The following ERC2 variants were observed in gnomAD, a reference collection of about 807,000 sequenced individuals.
ERC2 encodes the protein ELKS/RAB6-interacting/CAST family member 2.
In ERC2, 42 loss-of-function variants were observed where a neutral mutation model predicts 114.8. The ratio of observed to expected loss-of-function variants is 0.37; its 90% CI spans 0.29 to 0.47. The LOEUF is 0.47. Ranked by LOEUF, ERC2 falls within the 20% of genes least tolerant of loss-of-function variation. ERC2 has a pLI of 0.99. For synonymous variants in ERC2, 454 were observed against 425.5 expected (o/e 1.07, Z -0.82); for missense variants, 939 against 1,150.7 (o/e 0.82, Z 2.66).
intron 17 of ERC2, among the ~76,000 whole-genome samples, chr3:55,565,880 C>T (rs977340097): frequency 3.3e-5 from 5 of 152,206 alleles, no homozygotes; most frequent in Non-Finnish European, 7.4e-5. Flanking sequence ...TCAATAGCAA[C>T]TGAAAGCAGG....
At chr3:56,340,888 C>T (rs2123183) in intron 2 of ERC2, among the ~76,000 whole-genome samples, 92,073 of 151,748 alleles carry the variant, frequency 0.61, 28,401 homozygotes, top group South Asian at 0.71. Flanking sequence ...GGAGAAAGAC[C>T]TCCTCCCAAG....
chr3:56,024,837 T>A (rs2149604380), intron 7 of ERC2, among the ~76,000 whole-genome samples: 1 of 152,314 alleles, frequency 6.6e-6, no homozygotes, highest in South Asian at 2.1e-4. Flanking sequence ...AGGTTAAGGT[T>A]TGACTCAGAC....
intron 17 of ERC2, among the ~76,000 whole-genome samples, chr3:55,530,466 C>CAT (rs34368750): frequency 0.65 from 98,779 of 151,812 alleles, 33,491 homozygotes; most frequent in East Asian, 0.93. Context: ...TCTGACCTGA[C>CAT]ATGTTCTCTC....
chr3:56,387,368 TTCTTGGCTTC>T (rs1306516961), intron 2 of ERC2, among the ~76,000 whole-genome samples: 1 of 152,192 alleles, frequency 6.6e-6, no homozygotes, highest in Non-Finnish European at 1.5e-5. Flanking sequence ...ATTGTGGGTG[TTCTTGGCTTC>T]TCTTTAACCT....
chr3:55,922,291 A>G (rs1290262201), intron 13 of ERC2, among the ~76,000 whole-genome samples: 1 of 152,112 alleles, frequency 6.6e-6, no homozygotes, highest in Non-Finnish European at 1.5e-5. Context: ...GGGGAAAAAC[A>G]TCATAAAGAT....
intron 2 of ERC2, among the ~76,000 whole-genome samples, chr3:56,345,468 A>G (rs902240942): frequency 1.3e-5 from 2 of 152,184 alleles, no homozygotes; most frequent in Non-Finnish European, 2.9e-5. Context: ...TGTTCCTGGG[A>G]CAACTGAGGA....
intron 12 of ERC2, among the ~76,000 whole-genome samples, chr3:55,975,450 T>C (rs999702936): frequency 6.6e-6 from 1 of 152,200 alleles, no homozygotes; most frequent in African/African-American, 2.4e-5. Flanking sequence ...TCTTCTGTCT[T>C]GCTGGCTGTT....
intron 4 of ERC2, among the ~76,000 whole-genome samples, chr3:56,154,798 T>C (rs1016673994): frequency 1.3e-5 from 2 of 152,158 alleles, no homozygotes; most frequent in Non-Finnish European, 2.9e-5. Flanking sequence ...AAGTGAGGTA[T>C]AATGCATACA....
intron 6 of ERC2, among the ~76,000 whole-genome samples, chr3:56,100,161 A>C (rs2078276040): frequency 6.6e-6 from 1 of 152,202 alleles, no homozygotes; most frequent in Non-Finnish European, 1.5e-5. Context: ...ACATCTTATT[A>C]ATATCCTGGG....
chr3:56,210,446 T>A (rs1178015669), intron 3 of ERC2, among the ~76,000 whole-genome samples: 2 of 152,226 alleles, frequency 1.3e-5, no homozygotes, highest in African/African-American at 4.8e-5. Flanking sequence ...TCCATATAGG[T>A]GTGCTTTGTA....
chr3:55,799,013 C>T (rs899079740), intron 14 of ERC2, among the ~76,000 whole-genome samples: 9 of 152,004 alleles, frequency 5.9e-5, no homozygotes, highest in Non-Finnish European at 1.0e-4. Flanking sequence ...AGCGCATGTA[C>T]GTAAGAGGGT....
At chr3:56,221,462 T>C (rs1206013684) in intron 3 of ERC2, among the ~76,000 whole-genome samples, 1 of 151,420 alleles carries the variant, frequency 6.6e-6, no homozygotes, top group Non-Finnish European at 1.5e-5. Context: ...AGAATAATAA[T>C]AGATGCTTTA....
chr3:55,871,814 T>C (rs1469334827), intron 14 of ERC2, among the ~76,000 whole-genome samples: 1 of 152,178 alleles, frequency 6.6e-6, no homozygotes, highest in Admixed American at 6.5e-5. Context: ...TACAGCAATA[T>C]TTTTTAAAAA....
intron 14 of ERC2, among the ~76,000 whole-genome samples, chr3:55,803,658 A>G (rs2059388533): frequency 6.6e-6 from 1 of 152,056 alleles, no homozygotes; most frequent in Admixed American, 6.6e-5. Flanking sequence ...AATTGCACAG[A>G]GCTCAATTTA....
chr3:55,819,208 G>A (rs186142680), intron 14 of ERC2, among the ~76,000 whole-genome samples: 8 of 152,278 alleles, frequency 5.3e-5, no homozygotes, highest in Non-Finnish European at 1.2e-4. Flanking sequence ...TTAAAAACTC[G>A]TGTGTTTGTT....
intron 2 of ERC2, among the ~76,000 whole-genome samples, chr3:56,320,727 A>G (rs2057090202): frequency 6.6e-6 from 1 of 152,216 alleles, no homozygotes; most frequent in Non-Finnish European, 1.5e-5. Flanking sequence ...AAATAAATAC[A>G]GTAAATGTAA....
At chr3:55,588,478 A>C (rs2057707327) in intron 17 of ERC2, among the ~76,000 whole-genome samples, 1 of 152,212 alleles carries the variant, frequency 6.6e-6, no homozygotes, top group Admixed American at 6.5e-5. Flanking sequence ...TTAAAAAGAC[A>C]CACGAACCTT....
intron 6 of ERC2, among the ~76,000 whole-genome samples, chr3:56,091,854 T>G (rs910330300): frequency 6.6e-6 from 1 of 152,168 alleles, no homozygotes; most frequent in African/African-American, 2.4e-5. Flanking sequence ...ATCCTCCTGT[T>G]GATGTCTACA....
intron 17 of ERC2, among the ~76,000 whole-genome samples, chr3:55,603,981 C>A (rs988604916): frequency 6.6e-6 from 1 of 152,190 alleles, no homozygotes; most frequent in South Asian, 2.1e-4. Flanking sequence ...TCACCCCCCC[C>A]AGCATGTCTC....
Sources: allele counts gnomAD v4.1 joint callset (sites outside exome capture counted in the v4.1 genomes callset), GRCh38; gene constraint gnomAD v4.1.1; transcripts MANE v1.5; gene names NCBI Gene and HGNC (gene_info 2026-07-23, HGNC 2026-07-21).